The following CDH4 variants were observed in gnomAD, a reference collection of about 807,000 sequenced individuals.
CDH4 encodes the protein cadherin-4.
CDH4 carries 33 observed loss-of-function variants against 86.0 expected under a neutral mutation model. The ratio of observed to expected loss-of-function variants is 0.38; its 90% CI spans 0.29 to 0.51. The LOEUF (loss-of-function observed/expected upper bound fraction) is 0.51. CDH4 is among the 20% of genes least tolerant of loss of function. CDH4 has a pLI of 0.86. For missense variants in CDH4, 1,114 were observed against 1,307.4 expected (o/e 0.85, Z 2.28); for synonymous variants, 555 against 549.4 (o/e 1.01, Z -0.14).
Position 61,284,219 on chromosome 20 carries a change from G to A in CDH4, c.169+29282G>A, listed in dbSNP as rs531701859. Among the ~76,000 whole-genome samples the A allele has an allele frequency of 3.9e-5, 6 of 152,098 alleles. No individual in the cohort carries two copies. In the South Asian group the frequency reaches 1.2e-3, roughly 32 times the overall value. On this transcript the variant is annotated intron_variant, in intron 2 of 15. Transcript: ENST00000614565. ...AGTCCCAGCTACTTGGGAGGCTGAG[G>A]CAGGAGAATGCTTGAACCCGGGAGG...
chr20:61,720,030 C>T (rs1783480334), intron 2 of CDH4, among the ~76,000 whole-genome samples: 1 of 152,158 alleles, frequency 6.6e-6, no homozygotes, highest in Non-Finnish European at 1.5e-5. Flanking sequence ...TTGCAAGTTC[C>T]TCCCATGTCT....
At chr20:61,685,903 C>T (rs760528147) in intron 2 of CDH4, among the ~76,000 whole-genome samples, 17 of 152,250 alleles carry the variant, frequency 1.1e-4, no homozygotes, top group Admixed American at 3.9e-4. Flanking sequence ...ACCCGCACAC[C>T]ATTTAGCATT....
At chr20:61,540,000 C>T (rs1230762944) in intron 2 of CDH4, among the ~76,000 whole-genome samples, 1 of 152,182 alleles carries the variant, frequency 6.6e-6, no homozygotes, top group Non-Finnish European at 1.5e-5. Flanking sequence ...ATGCCCGCAG[C>T]GTTCAGAGCA....
At chr20:61,624,712 G>C (rs1220791438) in intron 2 of CDH4, among the ~76,000 whole-genome samples, 1 of 152,228 alleles carries the variant, frequency 6.6e-6, no homozygotes, top group African/African-American at 2.4e-5. Context: ...GGAAAGCAGT[G>C]GTGAATTCTC....
At chr20:61,809,943 G>A (rs1203211598) in intron 4 of CDH4, among the ~76,000 whole-genome samples, 3 of 152,168 alleles carry the variant, frequency 2.0e-5, no homozygotes, top group Non-Finnish European at 4.4e-5. Context: ...GCTGTTGCAG[G>A]CAGTCAGGGG....
rs1414439830 is a variant in CDH4 at position 61,516,685 on chromosome 20, G to A, written c.170-226878G>A. Among the ~76,000 whole-genome samples, 1 of 152,194 alleles carries A rather than the reference G, an allele frequency of 6.6e-6. No homozygotes were observed. The highest frequency in any genetic ancestry group is 1.5e-5 in the Non-Finnish European group (1 of 68,040). On this transcript the variant is annotated intron_variant, in intron 2 of 15. Coordinates refer to ENST00000614565, the MANE Select transcript of CDH4 (RefSeq NM_001794.5). The surrounding 1 kb of genome is among the most constrained non-coding windows in gnomAD (Gnocchi z 4.0). Reference sequence around the variant, plus strand: ...GCCGGATTGATTGTAATAGCACAGGGCTGCAGCACAGGCTCAGGGTGCAAT... The same window carrying A: ...GCCGGATTGATTGTAATAGCACAGGACTGCAGCACAGGCTCAGGGTGCAAT...
chr20:61,787,084 TATCC>T (rs1978918705), intron 4 of CDH4, among the ~76,000 whole-genome samples: 1 of 151,598 alleles, frequency 6.6e-6, no homozygotes, highest in South Asian at 2.1e-4. Context: ...TGGTGGCCAT[TATCC>T]ATCCATCCAT....
chr20:61,565,235 G>A lies in CDH4; in HGVS notation c.170-178328G>A, dbSNP rs989511008. On this transcript the variant is annotated intron_variant, in intron 2 of 15. Coordinates refer to ENST00000614565, the MANE Select transcript of CDH4 (RefSeq NM_001794.5). ...GCTCTCGGTGGTAGGTGGTGGTGGTGGTGGTGGCGGTGCTCTTGGTGATGG... is the reference window on the plus strand; with the variant it reads ...GCTCTCGGTGGTAGGTGGTGGTGGTAGTGGTGGCGGTGCTCTTGGTGATGG... Among the ~76,000 whole-genome samples, 2 of 60,790 alleles carry A rather than the reference G, an allele frequency of 3.3e-5. 1 individual carries two copies. The highest frequency in any genetic ancestry group is 7.1e-5 in the Non-Finnish European group (2 of 28,232). 39.9% of individuals were successfully genotyped at this position (60,790 alleles called of 152,430 possible).
intron 2 of CDH4, among the ~76,000 whole-genome samples, chr20:61,541,899 G>A (rs897256902): frequency 1.3e-5 from 2 of 152,084 alleles, no homozygotes; most frequent in African/African-American, 4.8e-5. Context: ...CTCCCTCAGG[G>A]CACCTGGCAG....
chr20:61,342,661 G>A (rs115708709), intron 2 of CDH4, among the ~76,000 whole-genome samples: 169 of 152,290 alleles, frequency 1.1e-3, no homozygotes, highest in African/African-American at 3.8e-3. Context: ...GTCCAGTCCC[G>A]GGGGTTGGGG....
chr20:61,620,202 A>ATGGATGGACGGATGGGTGGGTGGG (rs2086761994), intron 2 of CDH4, among the ~76,000 whole-genome samples: 3 of 143,146 alleles, frequency 2.1e-5, no homozygotes, highest in African/African-American at 8.4e-5. Flanking sequence ...GGATGGATGG[A>ATGGATGGACGGATGGGTGGGTGGG]TGGACAGACA....
intron 2 of CDH4, among the ~76,000 whole-genome samples, chr20:61,563,304 C>T (rs2086236440): frequency 6.6e-6 from 1 of 152,242 alleles, no homozygotes; most frequent in Non-Finnish European, 1.5e-5. Context: ...TAGCAATCAG[C>T]TTCCGTTTCT....
intron 2 of CDH4, among the ~76,000 whole-genome samples, chr20:61,372,346 C>T (rs116016561): frequency 0.013 from 1,979 of 152,332 alleles, 38 homozygotes; most frequent in African/African-American, 0.045. Context: ...GTGTTTACAT[C>T]AGAAGGAAAC....
chr20:61,453,576 C>G (rs1005893282), intron 2 of CDH4, among the ~76,000 whole-genome samples: 3 of 152,092 alleles, frequency 2.0e-5, no homozygotes, highest in Non-Finnish European at 4.4e-5. Context: ...GCGCTCAACC[C>G]ATAACAACCA....
At chr20:61,632,008 G>C (rs1336313389) in intron 2 of CDH4, among the ~76,000 whole-genome samples, 1 of 152,268 alleles carries the variant, frequency 6.6e-6, no homozygotes, top group African/African-American at 2.4e-5. Context: ...CATCGTGAAG[G>C]CTGCGCAAGT....
At chr20:61,783,416 C>T (rs1174780979) in intron 4 of CDH4, among the ~76,000 whole-genome samples, 3 of 152,230 alleles carry the variant, frequency 2.0e-5, no homozygotes, top group Non-Finnish European at 4.4e-5. Flanking sequence ...TCCCTCCCTT[C>T]CTTTCCTCCA....
In CDH4 at chr20:61,936,968, G is replaced by A; in HGVS notation, c.*25G>A. 6.5e-7 allele frequency: 1 copy of A among 1,540,298 alleles called. No homozygotes were observed. Among genetic ancestry groups the A allele is most frequent in the Non-Finnish European group, 8.8e-7 (1 of 1,139,892 alleles). On this transcript the variant is annotated 3_prime_UTR_variant, in exon 16 of 16. Coordinates refer to ENST00000614565, the MANE Select transcript of CDH4 (RefSeq NM_001794.5). ...ACTGACCTCGCATCTTCGGACCGAA[G>A]TGAGAGCCGTGCTCGGACGCCGGAG...
chr20:61,562,239 CCAGGGCTCCCGGAGAGAGAGGGACCTCCG>C (rs2086223194), intron 2 of CDH4, among the ~76,000 whole-genome samples: 2 of 79,922 alleles, frequency 2.5e-5, no homozygotes, highest in Non-Finnish European at 2.1e-5. Context: ...GAGGTGGACC[CCAGGGCTCCCGGAGAGAGAGGGACCTCCG>C]TGTGGAGAGG....
At chr20:61,513,115 A>C (rs1200866887) in intron 2 of CDH4, among the ~76,000 whole-genome samples, 1 of 152,136 alleles carries the variant, frequency 6.6e-6, no homozygotes, top group Non-Finnish European at 1.5e-5. Flanking sequence ...TAGGCCGTCC[A>C]TTCCTCCCTT....
Sources: gnomAD v4.1 joint callset for allele counts (sites outside exome capture counted in the v4.1 genomes callset) on GRCh38, gnomAD v4.1.1 for gene constraint, Gnocchi (gnomAD v3.1) non-coding constraint, MANE v1.5 for transcripts, NCBI Gene and HGNC (gene_info 2026-07-23, HGNC 2026-07-21) for gene names.